PARD3B: variants seen among roughly 807,000 people sequenced by gnomAD.
PARD3B encodes par-3 family cell polarity regulator beta.
A neutral mutation model predicts 130.2 loss-of-function variants in PARD3B; 103 were observed. The ratio of observed to expected loss-of-function variants is 0.79; its 90% CI spans 0.67 to 0.93. PARD3B has a LOEUF of 0.93. Among genes scored for constraint, PARD3B ranks in the 40% least tolerant of loss-of-function variants. The probability of loss-of-function intolerance (pLI) is 0.00; values close to 1 mark genes in which losing one functional copy is unlikely to be tolerated. For synonymous variants in PARD3B, 583 were observed against 553.2 expected (o/e 1.05, Z -0.76); for missense variants, 1,609 against 1,499.2 (o/e 1.07, Z -1.21).
chr2:205,333,176 T>C (rs1319689631), intron 18 of PARD3B, among the ~76,000 whole-genome samples: 2 of 152,052 alleles, frequency 1.3e-5, no homozygotes, highest in Non-Finnish European at 2.9e-5. Flanking sequence ...GAGAGGGGAA[T>C]GAGAAAAGCT....
At chr2:205,488,338 C>T (rs1311274515) in intron 20 of PARD3B, among the ~76,000 whole-genome samples, 1 of 152,076 alleles carries the variant, frequency 6.6e-6, no homozygotes, top group Non-Finnish European at 1.5e-5. Context: ...ACATCCCTTG[C>T]ATGCGTGGTT....
chr2:204,582,581 G>A (rs1255077943), intron 1 of PARD3B, among the ~76,000 whole-genome samples: 1 of 152,146 alleles, frequency 6.6e-6, no homozygotes, highest in Non-Finnish European at 1.5e-5. Context: ...GGTGGGTTTT[G>A]TAGATTAATG....
At chr2:205,468,864 T>C (rs2048725399) in intron 20 of PARD3B, among the ~76,000 whole-genome samples, 1 of 152,194 alleles carries the variant, frequency 6.6e-6, no homozygotes, top group Admixed American at 6.5e-5. Flanking sequence ...GCTCTCTTCT[T>C]GCTAAAGCCC....
At chr2:205,345,616 C>T (rs1198688800) in intron 18 of PARD3B, among the ~76,000 whole-genome samples, 1 of 151,434 alleles carries the variant, frequency 6.6e-6, no homozygotes, top group Admixed American at 6.6e-5. Flanking sequence ...AAGTTCACCC[C>T]CTTTCCCTAT....
chr2:204,837,621 C>T (rs770232296), intron 2 of PARD3B, among the ~76,000 whole-genome samples: 5 of 151,952 alleles, frequency 3.3e-5, no homozygotes, highest in African/African-American at 7.3e-5. Context: ...TGAGTGTATA[C>T]ATCCAGCTTT....
chr2:205,125,506 C>A lies in PARD3B; in HGVS notation c.1306-103C>A. The A allele has an allele frequency of 7.5e-7, 1 of 1,325,812 alleles. No individual in the cohort carries two copies. The highest frequency in any genetic ancestry group is 1.0e-6 in the Non-Finnish European group (1 of 965,504). 82.1% of individuals were successfully genotyped at this position (1,325,812 alleles called of 1,614,324 possible). A position where few individuals can be genotyped will look rare whatever the true frequency, so the allele number is the denominator to read the frequency against. On this transcript the variant is annotated intron_variant, in intron 9 of 22. Transcript: ENST00000406610. This position sits in a 1 kb window ranked among gnomAD's most constrained non-coding sequence, Gnocchi z 4.0. Reference sequence around the variant, plus strand: ...AGTTATCATCTTTTCAGAGCTTCCTCAAGTATGGGAGCCCATTTGCTTCTT... The same window carrying A: ...AGTTATCATCTTTTCAGAGCTTCCTAAAGTATGGGAGCCCATTTGCTTCTT...
Position 204,938,460 on chromosome 2 carries a change from A to G in PARD3B, c.223-26692A>G, listed in dbSNP as rs1688636599. Among the ~76,000 whole-genome samples the G allele has an allele frequency of 2.6e-5, 4 of 152,304 alleles. No individual in the cohort carries two copies. In the South Asian group the frequency reaches 8.3e-4, roughly 32 times the overall value. On this transcript the variant is annotated intron_variant, in intron 2 of 22. Coordinates refer to ENST00000406610, the MANE Select transcript of PARD3B (RefSeq NM_001302769.2). The stretch of plus-strand genomic sequence containing the variant: ...CAGTCATCTTTTAGCTCTCAGCTTA[A>G]ATATCACCAATTCAGAGAGGCCCTT...
intron 3 of PARD3B, among the ~76,000 whole-genome samples, chr2:204,988,917 C>T (rs769769549): frequency 6.6e-6 from 1 of 152,144 alleles, no homozygotes; most frequent in Non-Finnish European, 1.5e-5. Context: ...TGGACTGCTA[C>T]AAAAAGAAAT....
rs1013536718 is a variant in PARD3B at position 205,287,049 on chromosome 2, T to C, written c.2186-13481T>C. ...GAAGATTTGTCACTTGTAAAATCCA[T>C]GCAGCAACAGACTGGAACATGCCTG... On this transcript the variant is annotated intron_variant, in intron 16 of 22. Coordinates refer to ENST00000406610, the MANE Select transcript of PARD3B (RefSeq NM_001302769.2). This position sits in a 1 kb window ranked among gnomAD's most constrained non-coding sequence, Gnocchi z 4.8. Among the ~76,000 whole-genome samples the C allele has an allele frequency of 6.6e-6, 1 of 152,170 alleles. No individual in the cohort carries two copies. Among genetic ancestry groups the C allele is most frequent in the Non-Finnish European group, 1.5e-5 (1 of 68,024 alleles).
chr2:204,615,001 T>G (rs1165319055), intron 1 of PARD3B, among the ~76,000 whole-genome samples: 1 of 152,204 alleles, frequency 6.6e-6, no homozygotes, highest in East Asian at 1.9e-4. Flanking sequence ...TAAATGTTTT[T>G]CCAAGACAGA....
intron 21 of PARD3B, among the ~76,000 whole-genome samples, chr2:205,542,291 T>A (rs1410610354): frequency 1.3e-5 from 2 of 151,368 alleles, no homozygotes; most frequent in Non-Finnish European, 2.9e-5. Flanking sequence ...AGGCCTTGCA[T>A]ACCAGACTAA....
intron 2 of PARD3B, among the ~76,000 whole-genome samples, chr2:204,738,203 G>A (rs533328834): frequency 6.6e-6 from 1 of 152,198 alleles, no homozygotes; most frequent in African/African-American, 2.4e-5. Context: ...TCTAATCCAT[G>A]AGCATGGGAT....
Position 204,799,255 on chromosome 2 carries a change from C to T in PARD3B, c.222+112973C>T, listed in dbSNP as rs1277478597. On this transcript the variant is annotated intron_variant, in intron 2 of 22. Transcript: ENST00000406610. This position sits in a 1 kb window ranked among gnomAD's most constrained non-coding sequence, Gnocchi z 4.1. ...GGCAGTACTTGCCCTGGGCCTGGGTCGCTGGTGGCTGCAGGGAAACTCCCT... is the reference window on the plus strand; with the variant it reads ...GGCAGTACTTGCCCTGGGCCTGGGTTGCTGGTGGCTGCAGGGAAACTCCCT... Among the ~76,000 whole-genome samples the T allele has an allele frequency of 3.3e-5, 5 of 152,124 alleles. No homozygotes were observed. The South Asian group carries it at 6.2e-4, about 19-fold the overall frequency.
rs952531901 is a variant in PARD3B, at chr2:205,268,363, G to T, written c.2185+22541G>T. Among the ~76,000 whole-genome samples the T allele has an allele frequency of 6.6e-5, 10 of 152,166 alleles. No homozygotes were observed. Among genetic ancestry groups the T allele is most frequent in the African/African-American group, 2.4e-4 (10 of 41,442 alleles). On this transcript the variant is annotated intron_variant, in intron 16 of 22. Coordinates refer to ENST00000406610, the MANE Select transcript of PARD3B (RefSeq NM_001302769.2). The surrounding 1 kb of genome is among the most constrained non-coding windows in gnomAD (Gnocchi z 4.1). ...TGGGAGAAAAATAAGCATCAACTTG[G>T]AAATCAAATTGACTTTTTTCTTAAC...
chr2:205,455,885 G>T (rs1267225313), intron 20 of PARD3B, among the ~76,000 whole-genome samples: 1 of 151,954 alleles, frequency 6.6e-6, no homozygotes, highest in Non-Finnish European at 1.5e-5. Flanking sequence ...TTGCAGTCAA[G>T]ATATAGAACT....
chr2:205,205,962 A>T (rs775458311), intron 15 of PARD3B, among the ~76,000 whole-genome samples: 2 of 152,160 alleles, frequency 1.3e-5, no homozygotes, highest in African/African-American at 4.8e-5. Flanking sequence ...TGGCCTCATA[A>T]CATGAGTTAG....
At chr2:205,315,653 G>C (rs1221591581) in intron 18 of PARD3B, among the ~76,000 whole-genome samples, 2 of 152,080 alleles carry the variant, frequency 1.3e-5, no homozygotes, top group South Asian at 2.1e-4. Context: ...CAGTTTGTTT[G>C]TTTGTTTGTT....
intron 16 of PARD3B, among the ~76,000 whole-genome samples, chr2:205,260,260 A>T (rs1390535371): frequency 6.6e-6 from 1 of 152,198 alleles, no homozygotes; most frequent in Non-Finnish European, 1.5e-5. Flanking sequence ...CAGCAACAGC[A>T]ACAACAAACA....
intron 2 of PARD3B, among the ~76,000 whole-genome samples, chr2:204,960,879 T>C (rs76214394): frequency 0.012 from 1,793 of 152,290 alleles, 42 homozygotes; most frequent in African/African-American, 0.041. Context: ...GTAATGAAGA[T>C]GCTGCAATTT....
Sources: allele counts gnomAD v4.1 joint callset (sites outside exome capture counted in the v4.1 genomes callset), GRCh38; gene constraint gnomAD v4.1.1; non-coding constraint Gnocchi (gnomAD v3.1); transcripts MANE v1.5; gene names NCBI Gene and HGNC (gene_info 2026-07-23, HGNC 2026-07-21).